PTPRD: variants seen among roughly 807,000 people sequenced by gnomAD.
The protein encoded by PTPRD is receptor-type tyrosine-protein phosphatase delta.
In PTPRD, 34 loss-of-function variants were observed where a neutral mutation model predicts 214.5. The ratio of observed to expected loss-of-function variants is 0.16; its 90% CI spans 0.12 to 0.21. PTPRD has a LOEUF of 0.21. Among genes scored for constraint, PTPRD ranks in the 10% least tolerant of loss-of-function variants. PTPRD has a pLI of 1.00. For missense variants in PTPRD, 2,545 were observed against 2,398.7 expected (o/e 1.06, Z -1.27); for synonymous variants, 1,128 against 845.7 (o/e 1.33, Z -5.79).
chr9:9,389,749 A>AT (rs1215457350), intron 9 of PTPRD, among the ~76,000 whole-genome samples: 2 of 152,166 alleles, frequency 1.3e-5, no homozygotes, highest in African/African-American at 4.8e-5. Context: ...TAGAATATTC[A>AT]TTTACTTGTT....
chr9:8,919,316 C>G lies in PTPRD; in HGVS notation c.-104+99381G>C, dbSNP rs1021658921. Among the ~76,000 whole-genome samples the G allele has an allele frequency of 2.7e-5, 4 of 149,966 alleles. No homozygotes were observed. In the East Asian group the frequency reaches 7.9e-4, roughly 30 times the overall value. On this transcript the variant is annotated intron_variant, in intron 11 of 45. Coordinates refer to ENST00000381196, the MANE Select transcript of PTPRD (RefSeq NM_002839.4). ...GCTGAGGCAGGAGAATCGCTTGAAC[C>G]TGGGGGGTGGAGGTGCAGTGAGCCG...
chr9:9,149,906 AC>A (rs1449352546), intron 10 of PTPRD, among the ~76,000 whole-genome samples: 1 of 152,180 alleles, frequency 6.6e-6, no homozygotes, highest in East Asian at 1.9e-4. Context: ...CCATTTAAGT[AC>A]CTGAGGACTT....
rs1169160178 is a variant in PTPRD, at chr9:10,449,339, T to C, written c.-599-108322A>G. Among the ~76,000 whole-genome samples, 7 of 152,042 alleles carry C rather than the reference T, an allele frequency of 4.6e-5. No individual in the cohort carries two copies. The East Asian group carries it at 1.4e-3, about 29-fold the overall frequency. On this transcript the variant is annotated intron_variant, in intron 2 of 45. Coordinates refer to ENST00000381196, the MANE Select transcript of PTPRD (RefSeq NM_002839.4). ...TGCAGACGGAGTCTCGCTCACTCAG[T>C]GCTCAATGTCGCCCAGGCTGGAGTG... is the stretch of plus-strand genomic sequence containing the variant.
intron 11 of PTPRD, among the ~76,000 whole-genome samples, chr9:8,989,267 T>G (rs80132712): frequency 0.15 from 23,437 of 151,956 alleles, 2,449 homozygotes; most frequent in Non-Finnish European, 0.23. Flanking sequence ...CACACTACTT[T>G]AACTATAACT....
At chr9:9,266,858 A>T (rs2132487693) in intron 9 of PTPRD, among the ~76,000 whole-genome samples, 1 of 151,368 alleles carries the variant, frequency 6.6e-6, no homozygotes, top group Non-Finnish European at 1.5e-5. Flanking sequence ...GAGAAAAAAA[A>T]AATCTTTAAT....
At chr9:10,065,444 C>CT (rs1184617484) in intron 3 of PTPRD, among the ~76,000 whole-genome samples, 21 of 151,148 alleles carry the variant, frequency 1.4e-4, no homozygotes, top group Admixed American at 5.3e-4. Flanking sequence ...CTCCATTAGG[C>CT]TTTTTTTTTA....
intron 2 of PTPRD, among the ~76,000 whole-genome samples, chr9:10,587,811 T>G (rs1212216602): frequency 6.6e-6 from 1 of 151,942 alleles, no homozygotes; most frequent in African/African-American, 2.4e-5. Context: ...AAGGGACCCA[T>G]AGAGCTCAGG....
At chr9:8,425,380 T>C (rs548310265) in intron 35 of PTPRD, among the ~76,000 whole-genome samples, 1 of 152,296 alleles carries the variant, frequency 6.6e-6, no homozygotes, top group South Asian at 2.1e-4. Context: ...TGCAGACTCC[T>C]TCCTATATTG....
chr9:9,660,114 A>G (rs2096593958), intron 7 of PTPRD, among the ~76,000 whole-genome samples: 1 of 152,066 alleles, frequency 6.6e-6, no homozygotes, highest in Non-Finnish European at 1.5e-5. Context: ...CCTAATTTTT[A>G]TATGCTAACA....
chr9:10,548,943 C>T (rs537584339), intron 2 of PTPRD, among the ~76,000 whole-genome samples: 8 of 152,080 alleles, frequency 5.3e-5, no homozygotes, highest in South Asian at 4.1e-4. Context: ...ACCATTAAAT[C>T]GCAAAGGAAA....
At chr9:9,196,766 A>G (rs746006859) in intron 9 of PTPRD, among the ~76,000 whole-genome samples, 13 of 152,164 alleles carry the variant, frequency 8.5e-5, no homozygotes, top group Non-Finnish European at 1.6e-4. Context: ...TTTCCTTACC[A>G]TAATCTTTAT....
chr9:9,785,931 G>A (rs541474787), intron 5 of PTPRD, among the ~76,000 whole-genome samples: 1 of 152,120 alleles, frequency 6.6e-6, no homozygotes, highest in South Asian at 2.1e-4. Context: ...ATGAAATGAA[G>A]GCAACATGCT....
At chr9:8,900,455 G>T (rs1052587078) in intron 11 of PTPRD, among the ~76,000 whole-genome samples, 2 of 152,254 alleles carry the variant, frequency 1.3e-5, no homozygotes, top group South Asian at 4.1e-4. Context: ...CCCAAATTTT[G>T]TATTGTAAAT....
chr9:10,016,195 G>A (rs906869564), intron 4 of PTPRD, among the ~76,000 whole-genome samples: 7 of 151,854 alleles, frequency 4.6e-5, no homozygotes, highest in African/African-American at 1.5e-4. Flanking sequence ...TCTTCTTTTC[G>A]GCAAGTATTA....
intron 14 of PTPRD, among the ~76,000 whole-genome samples, chr9:8,627,464 G>A: frequency 6.6e-6 from 1 of 151,838 alleles, no homozygotes; most frequent in Non-Finnish European, 1.5e-5. Flanking sequence ...AACAAGTTAA[G>A]CAGCAGTAAA....
At chr9:8,835,196 G>C (rs996127130) in intron 11 of PTPRD, among the ~76,000 whole-genome samples, 4 of 152,212 alleles carry the variant, frequency 2.6e-5, no homozygotes, top group Non-Finnish European at 4.4e-5. Flanking sequence ...GACATCACCT[G>C]AGTTTATGGG....
At chr9:10,009,121 C>T (rs10117811) in intron 4 of PTPRD, among the ~76,000 whole-genome samples, 32 of 152,010 alleles carry the variant, frequency 2.1e-4, no homozygotes, top group African/African-American at 7.5e-4. Flanking sequence ...TAAATTAATG[C>T]AATTCTGTTG....
chr9:8,938,390 T>A (rs541076427), intron 11 of PTPRD, among the ~76,000 whole-genome samples: 8 of 152,192 alleles, frequency 5.3e-5, no homozygotes, highest in Non-Finnish European at 8.8e-5. Flanking sequence ...TGCCATTTAA[T>A]GTAAGAGATG....
intron 2 of PTPRD, among the ~76,000 whole-genome samples, chr9:10,371,265 C>T (rs908102437): frequency 8.5e-5 from 13 of 152,050 alleles, no homozygotes; most frequent in African/African-American, 2.9e-4. Context: ...TTGCTGTCTT[C>T]CATGCAACCA....
Sources: gnomAD v4.1 joint callset for allele counts (sites outside exome capture counted in the v4.1 genomes callset) on GRCh38, gnomAD v4.1.1 for gene constraint, MANE v1.5 for transcripts, NCBI Gene and HGNC (gene_info 2026-07-23, HGNC 2026-07-21) for gene names.